Variants in MRPS28 observed in about 807,000 individuals in gnomAD.
MRPS28 encodes the protein small ribosomal subunit protein bS1m.
A neutral mutation model predicts 10.8 loss-of-function variants in MRPS28; 7 were observed. That is an observed-to-expected ratio of 0.65 (90% confidence interval 0.37 to 1.22). The LOEUF is 1.22. MRPS28 is among the 50% of genes most tolerant of loss of function. The pLI, the probability that MRPS28 is intolerant of heterozygous loss-of-function variation, is 0.02. For synonymous variants in MRPS28, 121 were observed against 93.3 expected, an observed-to-expected ratio of 1.30 and a Z score of -1.71; for missense variants, 265 against 232.9, an observed-to-expected ratio of 1.14 and a Z score of -0.90.
intron 2 of MRPS28, among the ~76,000 whole-genome samples, chr8:79,977,523 C>A (rs911609812): frequency 2.6e-5 from 4 of 151,960 alleles, no homozygotes; most frequent in African/African-American, 9.7e-5. Flanking sequence ...TTATAATAAA[C>A]AAAAGAATAC....
intron 2 of MRPS28, among the ~76,000 whole-genome samples, chr8:79,982,417 A>T (rs974124438): frequency 2.0e-5 from 3 of 152,188 alleles, no homozygotes; most frequent in African/African-American, 7.2e-5. Flanking sequence ...TGGGCGCAGG[A>T]CAGTGGTTGC....
At chr8:79,974,140 C>T (rs1435815340) in intron 2 of MRPS28, among the ~76,000 whole-genome samples, 3 of 152,190 alleles carry the variant, frequency 2.0e-5, no homozygotes, top group Non-Finnish European at 4.4e-5. Context: ...TTTAGCTTTA[C>T]TAATCTCCAG....
At chr8:79,963,481 G>C (rs925735470) in intron 2 of MRPS28, among the ~76,000 whole-genome samples, 2 of 152,026 alleles carry the variant, frequency 1.3e-5, no homozygotes, top group South Asian at 4.1e-4. Context: ...GATTTAATAG[G>C]TTAGATGACA....
At chr8:79,982,547 G>T (rs1180584110) in intron 2 of MRPS28, among the ~76,000 whole-genome samples, 1 of 152,144 alleles carries the variant, frequency 6.6e-6, no homozygotes, top group East Asian at 1.9e-4. Flanking sequence ...TGGAAAATGG[G>T]GTCACTCCCA....
rs17457582 is a variant in MRPS28 at position 79,943,539 on chromosome 8, T to C, written c.396-24391A>G. ...CATAATTCAAGTCACAAACAGCAAT[T>C]GATTTTCTAACATGAGCACTGTTAT... On this transcript the variant is annotated intron_variant, in intron 2 of 2. Coordinates refer to ENST00000276585, the MANE Select transcript of MRPS28 (RefSeq NM_014018.3). Among the ~76,000 whole-genome samples, 180 of 152,300 alleles carry C rather than the reference T, an allele frequency of 1.2e-3. 1 individual carries two copies. Among genetic ancestry groups the C allele is most frequent in the African/African-American group, 4.2e-3 (173 of 41,574 alleles).
chr8:79,952,270 G>A (rs1807098776), intron 2 of MRPS28, among the ~76,000 whole-genome samples: 1 of 152,150 alleles, frequency 6.6e-6, no homozygotes, highest in South Asian at 2.1e-4. Flanking sequence ...CGATTGAGAA[G>A]TACTATCATG....
intron 1 of MRPS28, among the ~76,000 whole-genome samples, chr8:80,026,914 G>GA (rs61156883): frequency 1.3e-5 from 2 of 151,784 alleles, no homozygotes; most frequent in Non-Finnish European, 2.9e-5. Context: ...CATTCATTAA[G>GA]AAAAAAAATT....
intron 2 of MRPS28, among the ~76,000 whole-genome samples, chr8:80,002,449 A>G (rs553043808): frequency 1.1e-4 from 17 of 152,184 alleles, no homozygotes; most frequent in Non-Finnish European, 1.8e-4. Flanking sequence ...TTGTTTTCCC[A>G]TCTCAGAATC....
At chr8:79,968,647 T>A (rs760309959) in intron 2 of MRPS28, among the ~76,000 whole-genome samples, 10 of 151,966 alleles carry the variant, frequency 6.6e-5, no homozygotes, top group Non-Finnish European at 1.2e-4. Flanking sequence ...GGTATCTATA[T>A]ATCTGCCTTC....
chr8:80,025,594 A>G (rs1809475930), intron 1 of MRPS28, among the ~76,000 whole-genome samples: 1 of 152,238 alleles, frequency 6.6e-6, no homozygotes, highest in Non-Finnish European at 1.5e-5. Context: ...CCAAGCAAAT[A>G]TTATGTAATG....
chr8:80,008,932 C>T (rs1037314808), intron 1 of MRPS28, among the ~76,000 whole-genome samples: 4 of 152,162 alleles, frequency 2.6e-5, no homozygotes, highest in African/African-American at 9.7e-5. Context: ...TGGGTATATA[C>T]CCAAAGGATT....
At chr8:79,939,544 G>A (rs7828984) in intron 2 of MRPS28, among the ~76,000 whole-genome samples, 10,056 of 152,068 alleles carry the variant, frequency 0.066, 559 homozygotes, top group African/African-American at 0.15. Flanking sequence ...TTTAAAGAGC[G>A]TAATTTTTAG....
chr8:80,019,071 G>A (rs1214644193), intron 1 of MRPS28, among the ~76,000 whole-genome samples: 1 of 151,918 alleles, frequency 6.6e-6, no homozygotes, highest in Non-Finnish European at 1.5e-5. Context: ...AGTATATAAG[G>A]GGGTGGGGAT....
chr8:79,935,443 ATTTG>A (rs1183583532), intron 2 of MRPS28, among the ~76,000 whole-genome samples: 1 of 150,950 alleles, frequency 6.6e-6, no homozygotes, highest in East Asian at 1.9e-4. Context: ...CTTCCCTTTT[ATTTG>A]TTTGTTTGTT....
intron 1 of MRPS28, among the ~76,000 whole-genome samples, chr8:80,012,922 G>A (rs924029522): frequency 1.4e-4 from 22 of 152,186 alleles, no homozygotes; most frequent in African/African-American, 4.8e-4. Flanking sequence ...AAAAGAATAT[G>A]AGACATCAAC....
chr8:79,922,124 G>T (rs373745853), intron 2 of MRPS28, among the ~76,000 whole-genome samples: 6 of 152,062 alleles, frequency 3.9e-5, no homozygotes, highest in African/African-American at 1.4e-4. Flanking sequence ...AAAATTTTAC[G>T]AAAGCAAAAT....
intron 2 of MRPS28, among the ~76,000 whole-genome samples, chr8:79,969,089 G>A (rs763839625): frequency 2.0e-5 from 3 of 152,166 alleles, no homozygotes; most frequent in Non-Finnish European, 2.9e-5. Flanking sequence ...GTGTTTAAGA[G>A]TTATTCCTGT....
At chr8:79,948,976 T>G (rs1207805787) in intron 2 of MRPS28, among the ~76,000 whole-genome samples, 1 of 152,202 alleles carries the variant, frequency 6.6e-6, no homozygotes, top group Non-Finnish European at 1.5e-5. Flanking sequence ...TCTGCTATCA[T>G]TATGAGTCAA....
chr8:79,975,878 A>C (rs1316070019), intron 2 of MRPS28, among the ~76,000 whole-genome samples: 1 of 152,226 alleles, frequency 6.6e-6, no homozygotes, highest in Admixed American at 6.5e-5. Flanking sequence ...ACAGATAAAA[A>C]TAATAAAAAC....
Sources: allele counts gnomAD v4.1 joint callset (sites outside exome capture counted in the v4.1 genomes callset), GRCh38; gene constraint gnomAD v4.1.1; transcripts MANE v1.5; gene names NCBI Gene and HGNC (gene_info 2026-07-23, HGNC 2026-07-21).